NAPG: variants seen among roughly 807,000 people sequenced by gnomAD.
NAPG encodes NSF attachment protein gamma.
In NAPG, 25 loss-of-function variants were observed where a neutral mutation model predicts 48.4. The ratio of observed to expected loss-of-function variants is 0.52; its 90% confidence interval spans 0.38 to 0.72. The LOEUF is 0.72. NAPG is among the 30% of genes least tolerant of loss of function. The pLI is 0.00. For synonymous variants in NAPG, 139 were observed against 127.2 expected (o/e 1.09, Z -0.62); for missense variants, 359 against 372.5 (o/e 0.96, Z 0.30).
At position 10,549,046 on chromosome 18, in the gene NAPG, C is replaced by G. The variant is rs998671829; in HGVS notation, c.745C>G (p.Gln249Glu). ...AGGTTATGACCAGCAAGACCAAGATCAGGTGTCAGATGTCTGCAACTCACC... is the reference window on the plus strand; with the variant it reads ...AGGTTATGACCAGCAAGACCAAGATGAGGTGTCAGATGTCTGCAACTCACC... ...LEGYDQQDQD[Q>E]VSDVCNSPLF... Residue 249 changes from glutamine (Q) to glutamate (E), a missense_variant, in exon 11 of 12, where the codon CAG becomes GAG. By Grantham distance (29) the Gln-to-Glu change is conservative (BLOSUM62 2). Coordinates refer to ENST00000322897, the MANE Select transcript of NAPG (RefSeq NM_003826.3). 2 of 1,613,802 alleles carry G rather than the reference C, an allele frequency of 1.2e-6. No homozygotes were observed. The highest frequency in any genetic ancestry group is 1.7e-6 in the Non-Finnish European group (2 of 1,179,846).
intron 7 of NAPG, 134 bp downstream of exon 7, chr18:10,540,188 TAGAG>T (rs2032121967): frequency 9.5e-7 from 1 of 1,047,966 alleles, no homozygotes; most frequent in Admixed American, 2.4e-5. Flanking sequence ...TCTTTTCTGT[TAGAG>T]AGTAGTGAAA....
rs372469509 is a variant in NAPG at position 10,539,169 on chromosome 18, T to A, written c.259-593T>A. 3.3e-5 allele frequency: 5 copies of A among 152,396 alleles called. No individual in the cohort carries two copies. Among genetic ancestry groups the A allele is most frequent in the Admixed American group, 2.6e-4 (4 of 15,308 alleles). The allele number at this position is 152,396 out of a possible 1,614,324, so 9.4% of individuals were successfully genotyped here. On this transcript the variant is annotated intron_variant, in intron 5 of 11. Transcript: ENST00000322897. The surrounding 1 kb of genome is among the most constrained non-coding windows in gnomAD (Gnocchi z 4.7). Reference sequence around the variant, plus strand: ...TACTGGGCATATGCCCAAAGGAACATAAATCATTCTATAGAAACGTATGTT... The same window carrying A: ...TACTGGGCATATGCCCAAAGGAACAAAAATCATTCTATAGAAACGTATGTT...
chr18:10,540,078 C>G (rs749347505), intron 7 of NAPG, 24 bp downstream of exon 7: 2 of 1,502,250 alleles, frequency 1.3e-6, no homozygotes, highest in South Asian at 2.5e-5. Context: ...TTATTTTTTT[C>G]TTTAATTACT....
At position 10,550,381 on chromosome 18, in the gene NAPG, T is replaced by C. The variant is rs762146177; in HGVS notation, c.*161T>C. The C allele has an allele frequency of 6.7e-5, 44 of 657,650 alleles. No individual in the cohort carries two copies. Among genetic ancestry groups the C allele is most frequent in the Non-Finnish European group, 9.7e-5 (41 of 422,096 alleles). The allele number at this position is 657,650 out of a possible 1,614,324, so 40.7% of individuals were successfully genotyped here. A position where few individuals can be genotyped will look rare whatever the true frequency, so the allele number is the denominator to read the frequency against. Reference sequence around the variant, plus strand: ...GTTACCATCTTCCCAAATCACTCATTGTATCCATTACCTGTGAAGCATATC... The same window carrying C: ...GTTACCATCTTCCCAAATCACTCATCGTATCCATTACCTGTGAAGCATATC... On this transcript the variant is annotated 3_prime_UTR_variant, in exon 12 of 12. Transcript: ENST00000322897.
rs1382869433 is a variant in NAPG at position 10,539,309 on chromosome 18, C to G, written c.259-453C>G. On this transcript the variant is annotated intron_variant, in intron 5 of 11. Coordinates refer to ENST00000322897, the MANE Select transcript of NAPG (RefSeq NM_003826.3). The surrounding 1 kb of genome is among the most constrained non-coding windows in gnomAD (Gnocchi z 4.7). The stretch of plus-strand genomic sequence containing the variant: ...TAAAGAAAATGTGGTACATATACAC[C>G]ATGGAATACTATGCAGCTGTAAAAA... 2 of 165,988 alleles carry G rather than the reference C, an allele frequency of 1.2e-5. No individual in the cohort carries two copies. The allele number at this position is 165,988 out of a possible 1,614,324, so 10.3% of individuals were successfully genotyped here.
chr18:10,526,598 C>T (rs2031817419), intron 1 of NAPG: 3 of 174,622 alleles, frequency 1.7e-5, no homozygotes, highest in East Asian at 3.5e-4. Context: ...AACAACATCG[C>T]TCTGTTGAGA....
Position 10,546,346 on chromosome 18 carries a change from C to T in NAPG, c.527C>T (p.Ser176Phe). ...RGRRFDEAAL[S>F]IQKEKNIYKE... ...TTTAGGTTTGATGAGGCGGCACTCT[C>T]TATTCAGAAAGAAAAAAATATTTAT... The change falls in exon 9 of 12, where the codon TCT becomes TTT. Residue 176 changes from serine (S) to phenylalanine (F), a missense_variant. Transcript: ENST00000322897. This position sits in a 1 kb window ranked among gnomAD's most constrained non-coding sequence, Gnocchi z 4.0. 1 of 1,582,208 alleles carries T rather than the reference C, an allele frequency of 6.3e-7. No individual in the cohort carries two copies. The highest frequency in any genetic ancestry group is 8.6e-7 in the Non-Finnish European group (1 of 1,160,574).
chr18:10,548,296 T>C lies in NAPG; in HGVS notation c.586-3T>C, dbSNP rs949215210. 2.5e-6 allele frequency: 4 copies of C among 1,610,220 alleles called. No individual in the cohort carries two copies. Among genetic ancestry groups the C allele is most frequent in the East Asian group, 2.2e-5 (1 of 44,864 alleles). On this transcript the variant is annotated splice_region_variant and splice_polypyrimidine_tract_variant and intron_variant, in intron 9 of 11. Transcript: ENST00000322897. The surrounding 1 kb of genome is among the most constrained non-coding windows in gnomAD (Gnocchi z 4.4). The stretch of plus-strand genomic sequence containing the variant: ...TTGACCATGATCCTCTCTTTTGTTT[T>C]AGAAAACAATTGCTCAAGTCTTAGT...
rs766330804 is a variant in NAPG, at chr18:10,533,490, AT to A, written c.210-39del. ...AATAGTTGATCTATAGAAACTATTG[AT>A]TTTTTTCTTTTTTCCTTAACTTTGA... On this transcript the variant is annotated intron_variant, in intron 3 of 11. Coordinates refer to ENST00000322897, the MANE Select transcript of NAPG (RefSeq NM_003826.3). The A allele has an allele frequency of 1.5e-5, 23 of 1,551,412 alleles. No individual in the cohort carries two copies. In the Middle Eastern group the frequency reaches 2.7e-3, roughly 185 times the overall value.
chr18:10,535,743 A>G (rs1386922897), intron 5 of NAPG, among the ~76,000 whole-genome samples: 3 of 152,262 alleles, frequency 2.0e-5, no homozygotes, highest in Non-Finnish European at 4.4e-5. Context: ...CCTGGGCAAC[A>G]GAGCGAGACT....
chr18:10,548,397 C>T lies in NAPG; in HGVS notation c.665+19C>T, dbSNP rs1456103268. Reference sequence around the variant, plus strand: ...GCTATAGGTAAGACGTTGTCTGGGCCCTCTTGACTTGCAGTGGCGACACCT... The same window carrying T: ...GCTATAGGTAAGACGTTGTCTGGGCTCTCTTGACTTGCAGTGGCGACACCT... On this transcript the variant is annotated intron_variant, in intron 10 of 11. Coordinates refer to ENST00000322897, the MANE Select transcript of NAPG (RefSeq NM_003826.3). The surrounding 1 kb of genome is among the most constrained non-coding windows in gnomAD (Gnocchi z 4.4). 1 of 1,598,726 alleles carries T rather than the reference C, an allele frequency of 6.3e-7. No homozygotes were observed. The highest frequency in any genetic ancestry group is 8.6e-7 in the Non-Finnish European group (1 of 1,166,508).
At chr18:10,531,588 G>T (rs944062884) in intron 2 of NAPG, among the ~76,000 whole-genome samples, 1 of 152,194 alleles carries the variant, frequency 6.6e-6, no homozygotes, top group South Asian at 2.1e-4. Flanking sequence ...AACAGCAAAT[G>T]AGTCTTCAGT....
intron 3 of NAPG, 166 bp downstream of exon 3, chr18:10,532,961 G>C: frequency 1.6e-6 from 1 of 613,706 alleles, no homozygotes; most frequent in Non-Finnish European, 2.8e-6. Context: ...CGTTTATAAT[G>C]AAGTTTGATT....
At chr18:10,535,287 A>G (rs1418144610) in intron 5 of NAPG, among the ~76,000 whole-genome samples, 3 of 152,214 alleles carry the variant, frequency 2.0e-5, no homozygotes, top group African/African-American at 4.8e-5. Flanking sequence ...TGTAGACAAT[A>G]AAAAATACCG....
chr18:10,527,699 C>T (rs868412473), intron 1 of NAPG, among the ~76,000 whole-genome samples: 1 of 150,382 alleles, frequency 6.6e-6, no homozygotes, highest in Non-Finnish European at 1.5e-5. Flanking sequence ...AGATTCTGTG[C>T]GCAACCTGTA....
chr18:10,532,060 C>T (rs977517361), intron 2 of NAPG, among the ~76,000 whole-genome samples: 1 of 151,290 alleles, frequency 6.6e-6, no homozygotes, highest in African/African-American at 2.5e-5. Context: ...TGTAAGCAAC[C>T]CTTGATAAGT....
At chr18:10,529,610 G>A (rs2031887767) in intron 1 of NAPG, among the ~76,000 whole-genome samples, 1 of 152,156 alleles carries the variant, frequency 6.6e-6, no homozygotes, top group Non-Finnish European at 1.5e-5. Flanking sequence ...AAAATTAGCT[G>A]AGTGTGGTGG....
In NAPG at chr18:10,544,147, G is replaced by T. The variant is rs1281029648; in HGVS notation, c.507-2179G>T. Reference sequence around the variant, plus strand: ...AAACAGGATCTGTTATAAGCTCAGGGTCACAATTATAAATGATACAGATAC... The same window carrying T: ...AAACAGGATCTGTTATAAGCTCAGGTTCACAATTATAAATGATACAGATAC... On this transcript the variant is annotated intron_variant, in intron 8 of 11. Transcript: ENST00000322897. The surrounding 1 kb of genome is among the most constrained non-coding windows in gnomAD (Gnocchi z 5.1). Among the ~76,000 whole-genome samples, 1 of 152,186 alleles carries T rather than the reference G, an allele frequency of 6.6e-6. No homozygotes were observed. Among genetic ancestry groups the T allele is most frequent in the African/African-American group, 2.4e-5 (1 of 41,436 alleles).
Position 10,526,117 on chromosome 18 carries a change from G to A in NAPG, c.15G>A (p.Lys5=), listed in dbSNP as rs958037412. Residue 5 remains lysine (K), a synonymous_variant, in exon 1 of 12, where the codon AAG becomes AAA. Transcript: ENST00000322897. ...TGACTGTGGAGATGGCGGCTCAGAA[G>A]ATAAACGAGGGGCTGGAACACCTCG... MAAQ[K]INEGLEHLAK... 6.2e-7 allele frequency: 1 copy of A among 1,613,682 alleles called. No individual in the cohort carries two copies. Among genetic ancestry groups the A allele is most frequent in the Non-Finnish European group, 8.5e-7 (1 of 1,179,668 alleles).
Sources: gnomAD v4.1 joint callset for allele counts (sites outside exome capture counted in the v4.1 genomes callset) on GRCh38, gnomAD v4.1.1 for gene constraint, Gnocchi (gnomAD v3.1) non-coding constraint, MANE v1.5 for transcripts, NCBI Gene and HGNC (gene_info 2026-07-23, HGNC 2026-07-21) for gene names.